Variants in SMYD3 observed in about 807,000 individuals in gnomAD.
SMYD3 encodes histone-lysine N-methyltransferase SMYD3.
SMYD3 carries 36 observed loss-of-function variants against 57.7 expected under a neutral mutation model. The ratio of observed to expected loss-of-function variants is 0.62; its 90% CI spans 0.48 to 0.82. The LOEUF (loss-of-function observed/expected upper bound fraction) is 0.82, where lower values mean the gene tolerates loss of function less well. Ranked by LOEUF, SMYD3 falls within the 40% of genes least tolerant of loss-of-function variation. The pLI, the probability that SMYD3 is intolerant of heterozygous loss-of-function variation, is 0.00. For synonymous variants in SMYD3, 211 were observed against 195.0 expected (o/e 1.08, Z -0.68); for missense variants, 515 against 538.8 (o/e 0.96, Z 0.44).
intron 5 of SMYD3, among the ~76,000 whole-genome samples, chr1:246,199,971 C>T (rs754451010): frequency 7.9e-4 from 99 of 125,264 alleles, no homozygotes; most frequent in Admixed American, 9.8e-4. Flanking sequence ...ACAGCGTAGA[C>T]GCTGAGGTAG....
At chr1:245,801,767 G>C (rs2047877492) in intron 10 of SMYD3, among the ~76,000 whole-genome samples, 1 of 149,582 alleles carries the variant, frequency 6.7e-6, no homozygotes, top group Non-Finnish European at 1.5e-5. Flanking sequence ...TGGAAAAATG[G>C]GCTAAAGCTA....
chr1:246,011,101 G>A (rs915041325), intron 5 of SMYD3, among the ~76,000 whole-genome samples: 2 of 152,176 alleles, frequency 1.3e-5, no homozygotes, highest in Non-Finnish European at 2.9e-5. Flanking sequence ...ATCTAATGGT[G>A]TATTAGCAAG....
Position 245,806,851 on chromosome 1 carries a change from A to G in SMYD3, c.1077-42702T>C, listed in dbSNP as rs963779444. On this transcript the variant is annotated intron_variant, in intron 10 of 11. Coordinates refer to ENST00000490107, the MANE Select transcript of SMYD3 (RefSeq NM_001167740.2). ...CGTGAACCCGGGAGGCGGAGCTTGC[A>G]GTGAGCCGAGATCGCGCCACTGCAG... 2.2e-4 allele frequency among the ~76,000 whole-genome samples: 29 copies of G among 132,752 alleles called. No homozygotes were observed. The Admixed American group carries it at 2.2e-3, about 10-fold the overall frequency. The allele number at this position is 132,752 out of a possible 152,430, so 87.1% of individuals were successfully genotyped here.
chr1:246,007,870 C>T (rs1398360958), intron 5 of SMYD3, among the ~76,000 whole-genome samples: 3 of 149,344 alleles, frequency 2.0e-5, no homozygotes, highest in African/African-American at 7.5e-5. Flanking sequence ...GCAATTTGTA[C>T]TCAGACGTGG....
At chr1:246,063,931 C>T (rs909617199) in intron 5 of SMYD3, among the ~76,000 whole-genome samples, 6 of 152,278 alleles carry the variant, frequency 3.9e-5, no homozygotes, top group Non-Finnish European at 7.4e-5. Context: ...TAAGCCACCA[C>T]GCCCAGCCCA....
rs111525142 is a variant in SMYD3, at chr1:246,159,461, A to G, written c.531+167740T>C. 1.6e-3 allele frequency among the ~76,000 whole-genome samples: 246 copies of G among 152,280 alleles called. 1 individual carries two copies. The highest frequency in any genetic ancestry group is 5.4e-3 in the African/African-American group (226 of 41,568). On this transcript the variant is annotated intron_variant, in intron 5 of 11. Coordinates refer to ENST00000490107, the MANE Select transcript of SMYD3 (RefSeq NM_001167740.2). The stretch of plus-strand genomic sequence containing the variant: ...AGTACCTTCCCCAGAAGCCCTGCCC[A>G]TAAGTGTTCACTTACATCTGCTCTA...
intron 5 of SMYD3, among the ~76,000 whole-genome samples, chr1:246,251,479 G>C (rs1433577647): frequency 7.1e-6 from 1 of 140,576 alleles, no homozygotes; most frequent in Non-Finnish European, 1.5e-5. Context: ...TAGGTGCCTC[G>C]GACACTGTGC....
chr1:245,967,299 T>A (rs969826515), intron 5 of SMYD3, among the ~76,000 whole-genome samples: 2 of 152,212 alleles, frequency 1.3e-5, no homozygotes, highest in African/African-American at 4.8e-5. Flanking sequence ...CAAAAAAGTA[T>A]TTTCTATTTG....
intron 5 of SMYD3, among the ~76,000 whole-genome samples, chr1:246,253,802 C>A (rs551360486): frequency 6.6e-6 from 1 of 152,144 alleles, no homozygotes; most frequent in African/African-American, 2.4e-5. Context: ...CTGCACACAG[C>A]GATGAACATG....
At chr1:246,174,728 C>T (rs900237905) in intron 5 of SMYD3, among the ~76,000 whole-genome samples, 3 of 152,180 alleles carry the variant, frequency 2.0e-5, no homozygotes, top group African/African-American at 2.4e-5. Flanking sequence ...ATTACAGGTA[C>T]ACACCGCTGC....
At chr1:245,907,473 G>C (rs950942030) in intron 8 of SMYD3, among the ~76,000 whole-genome samples, 2 of 152,094 alleles carry the variant, frequency 1.3e-5, no homozygotes, top group African/African-American at 2.4e-5. Context: ...ATTCTTAGGA[G>C]AGTCCTATAT....
At chr1:245,778,691 T>C (rs1047247623) in intron 10 of SMYD3, among the ~76,000 whole-genome samples, 3 of 152,184 alleles carry the variant, frequency 2.0e-5, no homozygotes. Flanking sequence ...TGAACTCAAA[T>C]AGATCATTGA....
chr1:246,306,318 G>A (rs2064977907), intron 5 of SMYD3, among the ~76,000 whole-genome samples: 2 of 152,252 alleles, frequency 1.3e-5, no homozygotes, highest in African/African-American at 4.8e-5. Flanking sequence ...CTGCACTCCA[G>A]CATGGGTGAC....
intron 10 of SMYD3, among the ~76,000 whole-genome samples, chr1:245,837,732 T>C (rs12088171): frequency 0.39 from 59,811 of 152,020 alleles, 13,907 homozygotes; most frequent in Middle Eastern, 0.63. Context: ...CGGAGACTTC[T>C]AGTCCACCCC....
chr1:246,238,050 T>C (rs903215046), intron 5 of SMYD3, among the ~76,000 whole-genome samples: 4 of 152,172 alleles, frequency 2.6e-5, no homozygotes, highest in Non-Finnish European at 4.4e-5. Context: ...ATTTTTCTCA[T>C]AGATACCACT....
At chr1:246,498,949 C>CA (rs2103075692) in intron 1 of SMYD3, among the ~76,000 whole-genome samples, 1 of 151,536 alleles carries the variant, frequency 6.6e-6, no homozygotes, top group South Asian at 2.1e-4. Context: ...CACCATCCCA[C>CA]CCAGATAATT....
intron 10 of SMYD3, among the ~76,000 whole-genome samples, chr1:245,798,438 A>G (rs1457505089): frequency 3.5e-5 from 5 of 144,090 alleles, no homozygotes; most frequent in Admixed American, 2.1e-4. Context: ...ACACACATAC[A>G]CACACATAAA....
intron 5 of SMYD3, among the ~76,000 whole-genome samples, chr1:246,268,873 C>T (rs992902904): frequency 5.9e-5 from 9 of 152,082 alleles, no homozygotes; most frequent in African/African-American, 1.2e-4. Context: ...TTCTTTCTCG[C>T]GCCAGATCCA....
At chr1:246,446,800 T>A (rs756274723) in intron 1 of SMYD3, among the ~76,000 whole-genome samples, 1 of 152,116 alleles carries the variant, frequency 6.6e-6, no homozygotes, top group South Asian at 2.1e-4. Context: ...GAGGCTGAGG[T>A]GGGCAGATCA....
Sources: allele counts gnomAD v4.1 joint callset (sites outside exome capture counted in the v4.1 genomes callset), GRCh38; gene constraint gnomAD v4.1.1; transcripts MANE v1.5; gene names NCBI Gene and HGNC (gene_info 2026-07-23, HGNC 2026-07-21).